The following ITIH2 variants were observed in gnomAD, a reference collection of about 807,000 sequenced individuals.
ITIH2 encodes inter-alpha-trypsin inhibitor heavy chain H2.
A neutral mutation model predicts 104.4 loss-of-function variants in ITIH2; 103 were observed. That is an observed-to-expected ratio of 0.99 (90% CI 0.84 to 1.16). The LOEUF (loss-of-function observed/expected upper bound fraction) is 1.16. ITIH2 is among the 50% of genes most tolerant of loss of function. ITIH2 has a pLI of 0.00. For missense variants in ITIH2, 1,108 were observed against 1,162.4 expected (o/e 0.95, Z 0.68); for synonymous variants, 436 against 435.4 (o/e 1.00, Z -0.02).
rs372266950 is a variant in ITIH2 at position 7,746,068 on chromosome 10, T to TAAAAAA, written c.2582-498_2582-493dup. 1.4e-3 allele frequency among the ~76,000 whole-genome samples: 51 copies of TAAAAAA among 35,790 alleles called. 1 individual carries two copies. The highest frequency in any genetic ancestry group is 4.3e-3 in the African/African-American group (47 of 10,884). The allele number at this position is 35,790 out of a possible 152,430, so 23.5% of individuals were successfully genotyped here. A position where few individuals can be genotyped will look rare whatever the true frequency, so the allele number is the denominator to read the frequency against. Reference sequence around the variant, plus strand: ...CACACCCGGCCCCAAATCTTAAATTTAAAAAAAAAAAAAAAAAAAAAAAAA... The same window carrying TAAAAAA: ...CACACCCGGCCCCAAATCTTAAATTTAAAAAAAAAAAAAAAAAAAAAAAAAAAAAAA... On this transcript the variant is annotated intron_variant, in intron 19 of 20. Coordinates refer to ENST00000358415, the MANE Select transcript of ITIH2 (RefSeq NM_002216.3).
intron 2 of ITIH2, among the ~76,000 whole-genome samples, chr10:7,706,201 G>A (rs1194939120): frequency 2.0e-5 from 3 of 152,074 alleles, no homozygotes; most frequent in Non-Finnish European, 4.4e-5. Context: ...AGAAAAATTT[G>A]TCATTGAGCA....
Position 7,720,859 on chromosome 10 carries a change from G to A in ITIH2, c.634G>A (p.Asp212Asn), listed in dbSNP as rs1834895583. ...TAATTTTCTCTTGCATCTCTAGGTA[G>A]ATGTGTGGGTTATCGAACCACAGGG... The part of the protein sequence containing the change: ...PGRLAKHLEV[D>N]VWVIEPQGLR... The change falls in exon 7 of 21, where the codon GAT (aspartate) becomes AAT (asparagine). Residue 212 changes from aspartate to asparagine, a missense_variant. Transcript: ENST00000358415. The A allele has an allele frequency of 1.3e-6, 2 of 1,593,602 alleles. No homozygotes were observed. Among genetic ancestry groups the A allele is most frequent in the Non-Finnish European group, 1.7e-6 (2 of 1,161,442 alleles).
intron 8 of ITIH2, among the ~76,000 whole-genome samples, 163 bp from the exon 9 acceptor site, chr10:7,723,288 G>T (rs1438028701): frequency 6.6e-6 from 1 of 152,068 alleles, no homozygotes; most frequent in Non-Finnish European, 1.5e-5. Context: ...CCTCAGAGGA[G>T]AGGAGGTGGG....
At chr10:7,713,476 G>A (rs1588450991) in intron 5 of ITIH2, 191 bp downstream of exon 5, 2 of 548,542 alleles carry the variant, frequency 3.6e-6, no homozygotes, top group African/African-American at 1.9e-5. Context: ...CAACCAATGG[G>A]TTTTGGGTGA....
Position 7,715,216 on chromosome 10 carries a change from A to T in ITIH2, c.467+1931A>T, listed in dbSNP as rs189986126. Among the ~76,000 whole-genome samples, 52 of 152,200 alleles carry T rather than the reference A, an allele frequency of 3.4e-4. 3 individuals are homozygous for T. Among genetic ancestry groups the T allele is most frequent in the East Asian group, 2.5e-3 (13 of 5,168 alleles). Reference sequence around the variant, plus strand: ...GGCAGGCAGATCATGAGGTCAGGAGACCGAGACCATCCTGGCCAACATGGT... The same window carrying T: ...GGCAGGCAGATCATGAGGTCAGGAGTCCGAGACCATCCTGGCCAACATGGT... On this transcript the variant is annotated intron_variant, in intron 5 of 20. Transcript: ENST00000358415.
In ITIH2 at chr10:7,739,471, A is replaced by G. The variant is rs533276799; in HGVS notation, c.2095+713A>G. Among the ~76,000 whole-genome samples the G allele has an allele frequency of 1.6e-4, 24 of 152,262 alleles. No individual in the cohort carries two copies. The South Asian group carries it at 5.0e-3, about 32-fold the overall frequency. On this transcript the variant is annotated intron_variant, in intron 16 of 20. Coordinates refer to ENST00000358415, the MANE Select transcript of ITIH2 (RefSeq NM_002216.3). ...GTCCTAGAATTGTGCGGCTTTCTTG[A>G]CTGCCTGGAATACAGACCTTTCCAT... is the stretch of plus-strand genomic sequence containing the variant.
At chr10:7,738,823 G>A (rs1003706165) in intron 16 of ITIH2, 65 bp downstream of exon 16, 2 of 1,490,414 alleles carry the variant, frequency 1.3e-6, no homozygotes, top group Non-Finnish European at 1.8e-6. Context: ...GAAGCATTGT[G>A]TGCATGAGGC....
intron 16 of ITIH2, among the ~76,000 whole-genome samples, chr10:7,740,641 T>C (rs1030920359): frequency 6.6e-6 from 1 of 152,212 alleles, no homozygotes; most frequent in African/African-American, 2.4e-5. Flanking sequence ...CTTCCAAGTT[T>C]CTCTTCTCTG....
Position 7,739,708 on chromosome 10 carries a change from CA to C in ITIH2, c.2095+955del, listed in dbSNP as rs529189742. 9.6e-4 allele frequency among the ~76,000 whole-genome samples: 145 copies of C among 151,816 alleles called. 1 individual carries two copies. The highest frequency in any genetic ancestry group is 3.4e-3 in the African/African-American group (142 of 41,346). On this transcript the variant is annotated intron_variant, in intron 16 of 20. Transcript: ENST00000358415. ...AGGAGTTTGAGACCAGCAAAAAAAA[CA>C]AAAACAAAAACAAAAAAACCCTTTT...
rs1419137315 is a variant in ITIH2, at chr10:7,732,553, CAA to C, written c.1787+80_1787+81del. On this transcript the variant is annotated intron_variant, in intron 14 of 20. Transcript: ENST00000358415. The stretch of plus-strand genomic sequence containing the variant: ...CACCGTGAATATATGAAGTCATACA[CAA>C]AAAGAGTTTGGAAGCAAGAAAGACA... 1.3e-5 allele frequency: 20 copies of C among 1,508,410 alleles called. No homozygotes were observed. In the East Asian group the frequency reaches 3.9e-4, roughly 29 times the overall value. 93.4% of individuals were successfully genotyped at this position (1,508,410 alleles called of 1,614,324 possible). A position where few individuals can be genotyped will look rare whatever the true frequency, so the allele number is the denominator to read the frequency against.
chr10:7,730,006 A>G lies in ITIH2; in HGVS notation c.1334A>G (p.Asn445Ser). Residue 445 changes from asparagine (N) to serine (S), a missense_variant, in exon 12 of 21, where the codon AAT becomes AGT. Physicochemically the swap from Asn to Ser is conservative, Grantham distance 46. Coordinates refer to ENST00000358415, the MANE Select transcript of ITIH2 (RefSeq NM_002216.3). ...QKNVKENIQD[N>S]ISLFSLGMGF... ...AACGTTAAGGAGAACATCCAAGACAATATCTCCTTGTTCAGTTTGGGCATG... is the reference window on the plus strand; with the variant it reads ...AACGTTAAGGAGAACATCCAAGACAGTATCTCCTTGTTCAGTTTGGGCATG... 1 of 1,613,122 alleles carries G rather than the reference A, an allele frequency of 6.2e-7. No individual in the cohort carries two copies. The highest frequency in any genetic ancestry group is 8.5e-7 in the Non-Finnish European group (1 of 1,179,448).
intron 14 of ITIH2, among the ~76,000 whole-genome samples, chr10:7,732,957 GACCTCGTGA>G (rs1835018149): frequency 6.6e-6 from 1 of 152,136 alleles, no homozygotes; most frequent in African/African-American, 2.4e-5. Context: ...TCGGTCTCCT[GACCTCGTGA>G]TCCACCCGAG....
At chr10:7,711,413 A>T (rs574993650) in intron 4 of ITIH2, among the ~76,000 whole-genome samples, 1 of 152,176 alleles carries the variant, frequency 6.6e-6, no homozygotes, top group African/African-American at 2.4e-5. Flanking sequence ...AGCTGAATCT[A>T]TAAGACCAGA....
rs1391411068 is a variant in ITIH2 at position 7,734,917 on chromosome 10, T to TAC, written c.1788-3_1788-2dup. 6.2e-7 allele frequency: 1 copy of TAC among 1,608,908 alleles called. No individual in the cohort carries two copies. Among genetic ancestry groups the TAC allele is most frequent in the Admixed American group, 1.7e-5 (1 of 59,988 alleles). Reference sequence around the variant, plus strand: ...CTCCATAACACCTCTACTTCTTGAATACAGAAGCCTGGCTCCTACAGCTGC... The same window carrying TAC: ...CTCCATAACACCTCTACTTCTTGAATACACAGAAGCCTGGCTCCTACAGCTGC... On this transcript the variant is annotated splice_polypyrimidine_tract_variant and splice_region_variant and intron_variant, in intron 14 of 20. Transcript: ENST00000358415.
chr10:7,722,824 C>T (rs952542294), intron 8 of ITIH2, among the ~76,000 whole-genome samples: 8 of 152,206 alleles, frequency 5.3e-5, no homozygotes, highest in Non-Finnish European at 2.9e-5. Flanking sequence ...GAACACACCG[C>T]GCTGCACATT....
chr10:7,703,558 A>G, intron 1 of ITIH2, 40 bp downstream of exon 1: 5 of 1,238,860 alleles, frequency 4.0e-6, no homozygotes, highest in Non-Finnish European at 6.0e-6. Context: ...TGGCTTGTTC[A>G]TGAGCTCAGT....
chr10:7,727,194 C>A, intron 10 of ITIH2, 76 bp downstream of exon 10: 1 of 1,230,150 alleles, frequency 8.1e-7, no homozygotes, highest in Non-Finnish European at 1.2e-6. Context: ...AAGCATTATT[C>A]CCATCACAGT....
At chr10:7,726,901 G>A in intron 9 of ITIH2, 49 bp from the exon 10 acceptor site, 1 of 1,452,346 alleles carries the variant, frequency 6.9e-7, no homozygotes, top group Non-Finnish European at 9.3e-7. Context: ...GTTCCTCTGA[G>A]GCTCAGATTT....
chr10:7,713,077 A>T, intron 4 of ITIH2, 104 bp from the exon 5 acceptor site: 1 of 808,074 alleles, frequency 1.2e-6, no homozygotes, highest in Non-Finnish European at 2.0e-6. Flanking sequence ...CTGAGATTGC[A>T]CCATTGCACT....
Sources: allele counts gnomAD v4.1 joint callset (sites outside exome capture counted in the v4.1 genomes callset), GRCh38; gene constraint gnomAD v4.1.1; transcripts MANE v1.5; gene names NCBI Gene and HGNC (gene_info 2026-07-23, HGNC 2026-07-21).